Variants in CMSS1 observed in about 807,000 individuals in gnomAD.
The protein encoded by CMSS1 is protein CMSS1.
Under a neutral mutation model 43.5 loss-of-function variants are expected in CMSS1, and 33 were observed. The observed-to-expected ratio is 0.76, with a 90% CI of 0.57 to 1.01. The LOEUF (loss-of-function observed/expected upper bound fraction) is 1.01. CMSS1 is among the 50% of genes least tolerant of loss of function. The pLI, the probability that CMSS1 is intolerant of heterozygous loss-of-function variation, is 0.00. For synonymous variants in CMSS1, 115 were observed against 117.2 expected (o/e 0.98, Z 0.12); for missense variants, 313 against 326.4 (o/e 0.96, Z 0.32).
intron 1 of CMSS1, among the ~76,000 whole-genome samples, chr3:100,020,657 A>C (rs2064794453): frequency 6.6e-6 from 1 of 152,158 alleles, no homozygotes; most frequent in Non-Finnish European, 1.5e-5. Context: ...AAGTTCTTAA[A>C]AAGTGTTTAT....
intron 1 of CMSS1, among the ~76,000 whole-genome samples, chr3:99,933,493 T>C (rs1460474309): frequency 2.6e-5 from 4 of 152,154 alleles, no homozygotes; most frequent in African/African-American, 9.7e-5. Context: ...ACTACCACAG[T>C]ATATTATGTG....
At chr3:99,899,321 G>A (rs1292626540) in intron 1 of CMSS1, among the ~76,000 whole-genome samples, 1 of 152,146 alleles carries the variant, frequency 6.6e-6, no homozygotes, top group Non-Finnish European at 1.5e-5. Flanking sequence ...CACTTTATGG[G>A]TGTTTTGGTC....
At chr3:100,167,929 G>C (rs1431466053) in intron 6 of CMSS1, 89 bp downstream of exon 6, 56 of 840,198 alleles carry the variant, frequency 6.7e-5, no homozygotes, top group Non-Finnish European at 1.0e-4. Context: ...TGGAGATGTA[G>C]CAATAAACAA....
chr3:100,064,606 G>A (rs913041991), intron 1 of CMSS1, among the ~76,000 whole-genome samples: 3 of 152,182 alleles, frequency 2.0e-5, no homozygotes, highest in African/African-American at 7.2e-5. Context: ...AGAAGGCCCT[G>A]GAGCAGAGGA....
At chr3:99,872,726 G>T in intron 1 of CMSS1, among the ~76,000 whole-genome samples, 1 of 152,172 alleles carries the variant, frequency 6.6e-6, no homozygotes, top group East Asian at 1.9e-4. Context: ...CTTGGGCTCA[G>T]AATTAAAACT....
chr3:99,946,265 T>C (rs1240188354), intron 1 of CMSS1, among the ~76,000 whole-genome samples: 4 of 152,188 alleles, frequency 2.6e-5, no homozygotes, highest in Admixed American at 2.6e-4. Flanking sequence ...TGCTTTAAAG[T>C]TTTCTGAATT....
chr3:99,982,143 A>G (rs1709142255), intron 1 of CMSS1, among the ~76,000 whole-genome samples: 1 of 152,190 alleles, frequency 6.6e-6, no homozygotes, highest in Non-Finnish European at 1.5e-5. Context: ...CTAAAACAAT[A>G]TAAGTGCTAT....
chr3:99,849,192 A>G (rs1194121164), intron 1 of CMSS1: 3 of 1,613,974 alleles, frequency 1.9e-6, no homozygotes, highest in Admixed American at 1.7e-5. Context: ...CACTCTCCTC[A>G]TATAACTGAC....
intron 1 of CMSS1, among the ~76,000 whole-genome samples, chr3:100,048,548 C>T (rs1469973667): frequency 6.6e-6 from 1 of 152,180 alleles, no homozygotes; most frequent in African/African-American, 2.4e-5. Context: ...TGTGACACAA[C>T]CCACCACACA....
intron 1 of CMSS1, among the ~76,000 whole-genome samples, chr3:100,126,765 G>A (rs747682384): frequency 9.2e-5 from 14 of 152,260 alleles, no homozygotes; most frequent in Middle Eastern, 3.4e-3. Flanking sequence ...TTGGGAGGCC[G>A]AGGCCGGTGG....
chr3:99,878,468 CT>C (rs1422092276), intron 1 of CMSS1, among the ~76,000 whole-genome samples: 2 of 152,228 alleles, frequency 1.3e-5, no homozygotes, highest in Non-Finnish European at 2.9e-5. Context: ...CATATATAGT[CT>C]TACATATATA....
At chr3:99,906,832 T>G (rs559142370) in intron 1 of CMSS1, among the ~76,000 whole-genome samples, 2 of 152,170 alleles carry the variant, frequency 1.3e-5, no homozygotes, top group Admixed American at 1.3e-4. Context: ...CAAGACACTT[T>G]TCATGTATTT....
At chr3:99,837,507 G>A (rs1285788998) in intron 1 of CMSS1, among the ~76,000 whole-genome samples, 16 of 152,028 alleles carry the variant, frequency 1.1e-4, no homozygotes, top group African/African-American at 3.9e-4. Flanking sequence ...ATTACTTTGA[G>A]TTGTTTGAAG....
At chr3:99,900,128 T>C (rs1706388830) in intron 1 of CMSS1, among the ~76,000 whole-genome samples, 1 of 152,156 alleles carries the variant, frequency 6.6e-6, no homozygotes, top group Non-Finnish European at 1.5e-5. Flanking sequence ...AGTAAATATG[T>C]ATTGGATGAA....
chr3:99,878,548 G>A (rs1297863657), intron 1 of CMSS1, among the ~76,000 whole-genome samples: 1 of 152,172 alleles, frequency 6.6e-6, no homozygotes. Context: ...AGGTATGTTT[G>A]GTAAAGGAGT....
chr3:99,870,598 T>C (rs1944738825), intron 1 of CMSS1, among the ~76,000 whole-genome samples: 1 of 152,214 alleles, frequency 6.6e-6, no homozygotes, highest in Admixed American at 6.5e-5. Context: ...GTATGGTGTG[T>C]GGTGAACTTA....
At chr3:100,099,130 C>T (rs547094659) in intron 1 of CMSS1, among the ~76,000 whole-genome samples, 2 of 152,268 alleles carry the variant, frequency 1.3e-5, no homozygotes, top group East Asian at 3.9e-4. Flanking sequence ...TTTCAGGAAG[C>T]TTAAATGCAG....
chr3:99,931,022 C>G, intron 1 of CMSS1: 1 of 1,612,272 alleles, frequency 6.2e-7, no homozygotes, highest in Non-Finnish European at 8.5e-7. Context: ...GGAACGCATT[C>G]TTTAAAGCCT....
chr3:99,981,452 CT>C, intron 1 of CMSS1, among the ~76,000 whole-genome samples: 1 of 152,244 alleles, frequency 6.6e-6, no homozygotes, highest in East Asian at 1.9e-4. Context: ...TCTCTGGCCA[CT>C]CTTATTAGTA....
Sources: gnomAD v4.1 joint callset for allele counts (sites outside exome capture counted in the v4.1 genomes callset) on GRCh38, gnomAD v4.1.1 for gene constraint, MANE v1.5 for transcripts, NCBI Gene and HGNC (gene_info 2026-07-23, HGNC 2026-07-21) for gene names.